Variants in LCLAT1 observed in about 807,000 individuals in gnomAD.
LCLAT1 encodes lysocardiolipin acyltransferase 1, also known as 1-AGP acyltransferase 8.
A neutral mutation model predicts 30.7 loss-of-function variants in LCLAT1; 11 were observed. The ratio of observed to expected loss-of-function variants is 0.36; its 90% CI spans 0.23 to 0.59. LCLAT1 has a LOEUF of 0.59. LCLAT1 is among the 20% of genes least tolerant of loss of function. LCLAT1 has a pLI of 0.77. For missense variants in LCLAT1, 402 were observed against 458.6 expected, an observed-to-expected ratio of 0.88 and a Z score of 1.13; for synonymous variants, 155 against 151.3, an observed-to-expected ratio of 1.02 and a Z score of -0.18.
chr2:30,600,893 C>T (rs1218267307), intron 5 of LCLAT1, among the ~76,000 whole-genome samples: 5 of 152,136 alleles, frequency 3.3e-5, no homozygotes, highest in Non-Finnish European at 7.4e-5. Flanking sequence ...AACTTGGTTC[C>T]ATTCTCCCTG....
chr2:30,555,593 T>A (rs1664877093), intron 3 of LCLAT1, among the ~76,000 whole-genome samples: 1 of 152,098 alleles, frequency 6.6e-6, no homozygotes, highest in Admixed American at 6.5e-5. Context: ...TTTAATACTA[T>A]TACTATGTTA....
chr2:30,621,240 A>T (rs970847954), intron 5 of LCLAT1, among the ~76,000 whole-genome samples: 1 of 152,196 alleles, frequency 6.6e-6, no homozygotes, highest in African/African-American at 2.4e-5. Context: ...AAAAGTTACT[A>T]CTACAATGAA....
chr2:30,527,962 G>A (rs10176138), intron 2 of LCLAT1, among the ~76,000 whole-genome samples: 19,072 of 152,126 alleles, frequency 0.13, 1,334 homozygotes, highest in South Asian at 0.23. Flanking sequence ...TACGGTCCCT[G>A]ATGTCATCAA....
intron 1 of LCLAT1, among the ~76,000 whole-genome samples, chr2:30,456,468 A>G (rs1283600604): frequency 1.3e-5 from 2 of 151,968 alleles, no homozygotes; most frequent in East Asian, 3.9e-4. Flanking sequence ...CCCTGAAAGG[A>G]TAAGGGGTAG....
chr2:30,626,285 G>T (rs2148522159), intron 5 of LCLAT1, among the ~76,000 whole-genome samples: 1 of 152,108 alleles, frequency 6.6e-6, no homozygotes, highest in South Asian at 2.1e-4. Flanking sequence ...AAATTTGTTG[G>T]GCCCAACAGT....
intron 5 of LCLAT1, among the ~76,000 whole-genome samples, chr2:30,634,568 T>C (rs1394990070): frequency 1.3e-5 from 2 of 152,194 alleles, no homozygotes; most frequent in African/African-American, 4.8e-5. Flanking sequence ...GAGGTTGCAG[T>C]GAGCCGGCGA....
At chr2:30,459,414 G>A (rs1037253307) in intron 1 of LCLAT1, 7 of 570,104 alleles carry the variant, frequency 1.2e-5, no homozygotes, top group Non-Finnish European at 2.2e-5. Flanking sequence ...GTTGCCCTGT[G>A]CATTAATCCA....
intron 1 of LCLAT1, among the ~76,000 whole-genome samples, chr2:30,515,641 C>G (rs1010198259): frequency 2.6e-5 from 4 of 152,136 alleles, no homozygotes; most frequent in Admixed American, 1.3e-4. Flanking sequence ...CTACAGTTCA[C>G]TTCTCTATCT....
intron 4 of LCLAT1, among the ~76,000 whole-genome samples, chr2:30,565,720 T>C (rs1340323564): frequency 6.6e-6 from 1 of 152,116 alleles, no homozygotes; most frequent in East Asian, 1.9e-4. Flanking sequence ...GATGATAAAC[T>C]AATAAGTTAA....
chr2:30,461,500 G>C (rs932295606), intron 1 of LCLAT1, among the ~76,000 whole-genome samples: 16 of 152,044 alleles, frequency 1.1e-4, no homozygotes, highest in Admixed American at 5.9e-4. Flanking sequence ...GGCTGAAGCG[G>C]TCCTCCTGCC....
chr2:30,593,904 C>G (rs534477280), intron 5 of LCLAT1, among the ~76,000 whole-genome samples: 2 of 126,172 alleles, frequency 1.6e-5, no homozygotes, highest in African/African-American at 3.2e-5. Flanking sequence ...CCTCGAGCAA[C>G]AGAGAGAGAT....
At chr2:30,566,867 A>G (rs961578294) in intron 4 of LCLAT1, among the ~76,000 whole-genome samples, 1 of 152,332 alleles carries the variant, frequency 6.6e-6, no homozygotes, top group Non-Finnish European at 1.5e-5. Context: ...CAACTGGAAC[A>G]TGTACTTGAC....
chr2:30,640,330 A>C lies in LCLAT1; in HGVS notation c.842A>C (p.Tyr281Ser). 1 of 1,614,202 alleles carries C rather than the reference A, an allele frequency of 6.2e-7. No individual in the cohort carries two copies. Among genetic ancestry groups the C allele is most frequent in the African/African-American group, 1.3e-5 (1 of 75,048 alleles). Residue 281 changes from tyrosine (Y) to serine (S), a missense_variant, in exon 6 of 6, where the codon TAT becomes TCT. By Grantham distance (144) the Tyr-to-Ser change is moderately radical. Coordinates refer to ENST00000379509, the MANE Select transcript of LCLAT1 (RefSeq NM_001002257.3). ...AAAGAAGAGAGGCTGCGTTCCTTCT[A>C]TCAAGGGGAGAAGAATTTTTATTTT... ...EEKEERLRSF[Y>S]QGEKNFYFTG... is the part of the protein sequence containing the mutation.
chr2:30,452,509 T>C (rs1681607141), intron 1 of LCLAT1, among the ~76,000 whole-genome samples: 1 of 152,224 alleles, frequency 6.6e-6, no homozygotes, highest in Non-Finnish European at 1.5e-5. Context: ...GCACTCCACA[T>C]ATTCATTAGT....
chr2:30,518,514 C>G (rs1572560069), intron 1 of LCLAT1, among the ~76,000 whole-genome samples: 1 of 152,162 alleles, frequency 6.6e-6, no homozygotes, highest in Admixed American at 6.5e-5. Flanking sequence ...TTAGACTAAA[C>G]AAAGTCTTAG....
chr2:30,561,570 A>G (rs1004812743), intron 3 of LCLAT1, among the ~76,000 whole-genome samples: 1 of 152,124 alleles, frequency 6.6e-6, no homozygotes, highest in Non-Finnish European at 1.5e-5. Flanking sequence ...GAGAAAAGGA[A>G]TGTAGTCATA....
At chr2:30,503,010 A>G (rs1284316339) in intron 1 of LCLAT1, among the ~76,000 whole-genome samples, 1 of 152,240 alleles carries the variant, frequency 6.6e-6, no homozygotes, top group Non-Finnish European at 1.5e-5. Flanking sequence ...TGGCAGTTGC[A>G]TTTATACTTA....
At chr2:30,531,256 C>A (rs1428140068) in intron 2 of LCLAT1, among the ~76,000 whole-genome samples, 7 of 152,224 alleles carry the variant, frequency 4.6e-5, no homozygotes, top group African/African-American at 1.7e-4. Context: ...CAGAGTGAGA[C>A]TCCGTCTCAA....
Position 30,610,885 on chromosome 2 carries a change from G to A in LCLAT1, c.629-29232G>A, listed in dbSNP as rs188992138. Reference sequence around the variant, plus strand: ...AATATAACTTTTTAAAAAATTTCTTGGACTTAACTGTTATTATTTCCTCAC... The same window carrying A: ...AATATAACTTTTTAAAAAATTTCTTAGACTTAACTGTTATTATTTCCTCAC... On this transcript the variant is annotated intron_variant, in intron 5 of 5. Transcript: ENST00000379509. 4.3e-3 allele frequency among the ~76,000 whole-genome samples: 648 copies of A among 151,782 alleles called. 4 individuals carry two copies. Among genetic ancestry groups the A allele is most frequent in the African/African-American group, 0.014 (560 of 41,408 alleles).
Sources: allele counts gnomAD v4.1 joint callset (sites outside exome capture counted in the v4.1 genomes callset), GRCh38; gene constraint gnomAD v4.1.1; transcripts MANE v1.5; gene names NCBI Gene and HGNC (gene_info 2026-07-23, HGNC 2026-07-21).